NPSR1: variants seen among roughly 807,000 people sequenced by gnomAD.
The protein encoded by NPSR1 is neuropeptide S receptor 1, also known as neuropeptide S receptor.
In NPSR1, 48 loss-of-function variants were observed where a neutral mutation model predicts 46.9. The observed-to-expected ratio is 1.02, with a 90% CI of 0.81 to 1.30. The LOEUF is 1.30. NPSR1 is among the 50% of genes most tolerant of loss of function. NPSR1 has a pLI of 0.00. For synonymous variants in NPSR1, 176 were observed against 168.1 expected, an observed-to-expected ratio of 1.05 and a Z score of -0.36; for missense variants, 450 against 449.5, an observed-to-expected ratio of 1.00 and a Z score of -0.01.
At chr7:34,818,632 C>G (rs1013286724) in intron 4 of NPSR1, among the ~76,000 whole-genome samples, 1 of 152,156 alleles carries the variant, frequency 6.6e-6, no homozygotes, top group Non-Finnish European at 1.5e-5. Flanking sequence ...GCAAAAAGAA[C>G]AAAGCTGGAG....
intron 2 of NPSR1, among the ~76,000 whole-genome samples, chr7:34,741,167 T>A (rs1296770311): frequency 6.6e-6 from 1 of 152,214 alleles, no homozygotes; most frequent in East Asian, 1.9e-4. Context: ...TTGGTATGGA[T>A]ATCTGTAAGT....
At chr7:34,724,685 T>C (rs577677622) in intron 2 of NPSR1, among the ~76,000 whole-genome samples, 26 of 152,310 alleles carry the variant, frequency 1.7e-4, no homozygotes, top group African/African-American at 6.3e-4. Context: ...ATCCCAGCTC[T>C]ATGTCTAATG....
intron 6 of NPSR1, among the ~76,000 whole-genome samples, chr7:34,837,293 A>G (rs1324475888): frequency 6.6e-6 from 1 of 152,210 alleles, no homozygotes; most frequent in African/African-American, 2.4e-5. Flanking sequence ...AAAACCATCA[A>G]GTCAGGCCCC....
At chr7:34,840,709 T>C (rs1016778105) in intron 6 of NPSR1, among the ~76,000 whole-genome samples, 59 of 152,188 alleles carry the variant, frequency 3.9e-4, no homozygotes, top group African/African-American at 1.4e-3. Context: ...CCGGAGCCCC[T>C]CAAGAGGCAG....
intron 4 of NPSR1, among the ~76,000 whole-genome samples, chr7:34,814,408 C>G (rs1789142701): frequency 6.6e-6 from 1 of 152,218 alleles, no homozygotes; most frequent in Non-Finnish European, 1.5e-5. Flanking sequence ...CTGGGTGGAG[C>G]CCACTGCAGC....
intron 2 of NPSR1, among the ~76,000 whole-genome samples, chr7:34,740,696 G>A (rs538690909): frequency 1.3e-5 from 2 of 152,170 alleles, no homozygotes; most frequent in African/African-American, 4.8e-5. Context: ...GTGTGTGTTT[G>A]GGGGTGGACA....
At chr7:34,854,847 A>C (rs776371172), downstream of NPSR1, among the ~76,000 whole-genome samples, 8 of 152,184 alleles carry the variant, frequency 5.3e-5, no homozygotes, top group Non-Finnish European at 4.4e-5. Flanking sequence ...CATTTTTTTC[A>C]AGCACACATG....
At chr7:34,760,644 GAGTTACTGCAA>G (rs1486730761) in intron 2 of NPSR1, among the ~76,000 whole-genome samples, 2 of 152,136 alleles carry the variant, frequency 1.3e-5, no homozygotes, top group Non-Finnish European at 1.5e-5. Flanking sequence ...TTTAAGCTTA[GAGTTACTGCAA>G]AGTTACTGCA....
chr7:34,716,242 A>C (rs1278410919), intron 2 of NPSR1, among the ~76,000 whole-genome samples: 1 of 152,184 alleles, frequency 6.6e-6, no homozygotes, highest in Non-Finnish European at 1.5e-5. Context: ...AAACACTGCC[A>C]TTCATCTTCC....
At chr7:34,840,026 G>T (rs756765582) in intron 6 of NPSR1, among the ~76,000 whole-genome samples, 1 of 152,132 alleles carries the variant, frequency 6.6e-6, no homozygotes, top group Non-Finnish European at 1.5e-5. Flanking sequence ...GGTTGTCAGG[G>T]CTCCTGCTTC....
intron 1 of NPSR1, among the ~76,000 whole-genome samples, chr7:34,665,191 AC>A (rs1406936021): frequency 5.9e-5 from 9 of 152,210 alleles, no homozygotes; most frequent in Non-Finnish European, 8.8e-5. Flanking sequence ...ACAGTAAAAA[AC>A]AAACCCTAAA....
intron 1 of NPSR1, among the ~76,000 whole-genome samples, chr7:34,674,495 T>A (rs924902345): frequency 2.0e-5 from 3 of 152,200 alleles, no homozygotes; most frequent in Non-Finnish European, 2.9e-5. Flanking sequence ...GTGCTGTGAA[T>A]GATGGAAGCC....
intron 2 of NPSR1, among the ~76,000 whole-genome samples, chr7:34,735,658 T>C: frequency 6.6e-6 from 1 of 152,212 alleles, no homozygotes; most frequent in East Asian, 1.9e-4. Flanking sequence ...CCTAAAACAG[T>C]GTTTTCAAAT....
intron 2 of NPSR1, among the ~76,000 whole-genome samples, chr7:34,732,570 C>T (rs1464603329): frequency 6.6e-6 from 1 of 152,138 alleles, no homozygotes; most frequent in East Asian, 1.9e-4. Context: ...GGGGAAAACT[C>T]ATTGTCCTCA....
chr7:34,740,478 T>TA (rs1784888011), intron 2 of NPSR1, among the ~76,000 whole-genome samples: 1 of 151,916 alleles, frequency 6.6e-6, no homozygotes. Flanking sequence ...CTTCTCCTTG[T>TA]AGCCTTTTCC....
At chr7:34,710,735 T>A in intron 2 of NPSR1, 1 of 381,930 alleles carries the variant, frequency 2.6e-6, no homozygotes, top group Non-Finnish European at 5.0e-6. Context: ...ATTCTGCCTA[T>A]AAGCATCAAC....
chr7:34,803,742 A>T lies in NPSR1; in HGVS notation c.385-8028A>T, dbSNP rs1321909324. On this transcript the variant is annotated intron_variant, in intron 3 of 8. Transcript: ENST00000360581. ...TAGTAATAAAATAAAATTTAAAAAAAGATAGCATGAGTAGAAAAAAAAAAA... is the reference window on the plus strand; with the variant it reads ...TAGTAATAAAATAAAATTTAAAAAATGATAGCATGAGTAGAAAAAAAAAAA... Among the ~76,000 whole-genome samples the T allele has an allele frequency of 3.0e-4, 43 of 143,324 alleles. No individual in the cohort carries two copies. In the Admixed American group the frequency reaches 3.1e-3, roughly 10 times the overall value. The allele number at this position is 143,324 out of a possible 152,430, so 94.0% of individuals were successfully genotyped here. A position where few individuals can be genotyped will look rare whatever the true frequency, so the allele number is the denominator to read the frequency against.
intron 3 of NPSR1, among the ~76,000 whole-genome samples, chr7:34,810,675 A>T (rs979696046): frequency 3.9e-5 from 6 of 152,250 alleles, no homozygotes; most frequent in African/African-American, 1.4e-4. Flanking sequence ...TGGAATGTCA[A>T]TTGTGGCAGA....
chr7:34,827,177 C>T (rs902551256), intron 4 of NPSR1, among the ~76,000 whole-genome samples: 10 of 152,202 alleles, frequency 6.6e-5, no homozygotes, highest in African/African-American at 1.9e-4. Flanking sequence ...AACCTTAGGC[C>T]AGGCAATGTG....
Sources: allele counts gnomAD v4.1 joint callset (sites outside exome capture counted in the v4.1 genomes callset), GRCh38; gene constraint gnomAD v4.1.1; transcripts MANE v1.5; gene names NCBI Gene and HGNC (gene_info 2026-07-23, HGNC 2026-07-21).